Variants in CCDC141 observed in about 807,000 individuals in gnomAD.
CCDC141 encodes coiled-coil domain containing 141, also known as coiled-coil domain-containing protein 141.
A neutral mutation model predicts 181.0 loss-of-function variants in CCDC141; 168 were observed. The ratio of observed to expected loss-of-function variants is 0.93; its 90% CI spans 0.82 to 1.05. CCDC141 has a LOEUF of 1.05. Ranked by LOEUF, CCDC141 falls within the 50% of genes least tolerant of loss-of-function variation. The pLI, the probability that CCDC141 is intolerant of heterozygous loss-of-function variation, is 0.00. For synonymous variants in CCDC141, 666 were observed against 642.3 expected, an observed-to-expected ratio of 1.04 and a Z score of -0.56; for missense variants, 1,902 against 1,788.5, an observed-to-expected ratio of 1.06 and a Z score of -1.14.
chr2:179,043,384 G>A (rs1342248511), intron 2 of CCDC141, among the ~76,000 whole-genome samples: 1 of 151,974 alleles, frequency 6.6e-6, no homozygotes, highest in Admixed American at 6.6e-5. Flanking sequence ...CCAAAACCTG[G>A]CAGAGATACA....
chr2:178,942,640 C>T (rs187066042), intron 6 of CCDC141, among the ~76,000 whole-genome samples: 1 of 151,952 alleles, frequency 6.6e-6, no homozygotes, highest in Non-Finnish European at 1.5e-5. Flanking sequence ...AAGAGTGAAC[C>T]CTAATATAAG....
At chr2:178,983,862 G>A (rs1201793411) in intron 2 of CCDC141, among the ~76,000 whole-genome samples, 2 of 150,918 alleles carry the variant, frequency 1.3e-5, no homozygotes, top group African/African-American at 2.4e-5. Flanking sequence ...AAGTGATGGG[G>A]AGAATGGAAC....
chr2:179,034,107 T>C lies in CCDC141; in HGVS notation c.225+13177A>G, dbSNP rs2043073188. Among the ~76,000 whole-genome samples the C allele has an allele frequency of 3.9e-5, 6 of 152,262 alleles. No individual in the cohort carries two copies. In the South Asian group the frequency reaches 8.3e-4, roughly 21 times the overall value. ...TGGAATCAACCTAAATGCCCATCAGTGGTACACTGAATAAAGAAAATGTGG... is the reference window on the plus strand; with the variant it reads ...TGGAATCAACCTAAATGCCCATCAGCGGTACACTGAATAAAGAAAATGTGG... On this transcript the variant is annotated intron_variant, in intron 2 of 23. Coordinates refer to ENST00000443758, the MANE Select transcript of CCDC141 (RefSeq NM_173648.4).
chr2:178,982,091 C>A (rs1176949993), intron 2 of CCDC141, among the ~76,000 whole-genome samples: 1 of 151,826 alleles, frequency 6.6e-6, no homozygotes, highest in Non-Finnish European at 1.5e-5. Context: ...AAAACTCACA[C>A]AAGAAAAAAT....
chr2:179,008,293 C>T (rs1286180319), intron 2 of CCDC141, among the ~76,000 whole-genome samples: 1 of 152,166 alleles, frequency 6.6e-6, no homozygotes, highest in African/African-American at 2.4e-5. Context: ...CTTGAGGAGC[C>T]TCCACCATGT....
chr2:178,916,276 C>T (rs897904932), intron 7 of CCDC141, among the ~76,000 whole-genome samples: 6 of 151,890 alleles, frequency 4.0e-5, no homozygotes, highest in African/African-American at 1.5e-4. Flanking sequence ...GAATTTTATT[C>T]TAGAAAAAAC....
intron 2 of CCDC141, among the ~76,000 whole-genome samples, chr2:178,988,500 T>C (rs1691870107): frequency 6.6e-6 from 1 of 151,714 alleles, no homozygotes; most frequent in African/African-American, 2.4e-5. Context: ...AAAAAAGAAA[T>C]TGAAGAAGAC....
rs1017786307 is a variant in CCDC141 at position 178,978,636 on chromosome 2, C to A, written c.265G>T (p.Asp89Tyr). The change falls in exon 3 of 24, where the codon GAC (aspartate) becomes TAC (tyrosine). Residue 89 changes from aspartate (D) to tyrosine (Y), a missense_variant. By Grantham distance (160) the Asp-to-Tyr change is radical. Coordinates refer to ENST00000443758, the MANE Select transcript of CCDC141 (RefSeq NM_173648.4). ...TCCTTGTTCTCTTCAGCTGTCTTGT[C>A]TGCTTCCTGCAAGAGTTCCCATACC... The part of the protein sequence containing the change: ...DRVWELLQEA[D>Y]KTAEENKDQS... 6.5e-7 allele frequency: 1 copy of A among 1,547,012 alleles called. No individual in the cohort carries two copies. The highest frequency in any genetic ancestry group is 1.4e-5 in the African/African-American group (1 of 72,744).
At chr2:179,012,448 C>A (rs2042296806) in intron 2 of CCDC141, among the ~76,000 whole-genome samples, 1 of 152,034 alleles carries the variant, frequency 6.6e-6, no homozygotes, top group Non-Finnish European at 1.5e-5. Flanking sequence ...AACAGACTAA[C>A]AACAAGCAGT....
chr2:178,859,312 A>T (rs1480660735), intron 17 of CCDC141, among the ~76,000 whole-genome samples: 2 of 152,212 alleles, frequency 1.3e-5, no homozygotes, highest in African/African-American at 4.8e-5. Flanking sequence ...TGCACTTTCC[A>T]ATATGAAAAC....
At chr2:178,866,601 A>G (rs555952309) in intron 16 of CCDC141, among the ~76,000 whole-genome samples, 1 of 152,344 alleles carries the variant, frequency 6.6e-6, no homozygotes, top group East Asian at 1.9e-4. Context: ...ATGGGCCATT[A>G]TGATTTTATT....
intron 20 of CCDC141, among the ~76,000 whole-genome samples, chr2:178,850,549 G>A (rs1388178272): frequency 2.0e-5 from 3 of 151,512 alleles, no homozygotes; most frequent in South Asian, 2.1e-4. Context: ...CCAAATGTAT[G>A]TCACTCTAGT....
Position 178,981,650 on chromosome 2 carries a change from A to ATATATG in CCDC141, c.226-2976_226-2975insCATATA, listed in dbSNP as rs1553495350. On this transcript the variant is annotated intron_variant, in intron 2 of 23. Transcript: ENST00000443758. ...TGTGTGTGTGTGTATATATATATAT[A>ATATATG]TATATATACATACATATATACATAT... Among the ~76,000 whole-genome samples the ATATATG allele has an allele frequency of 8.5e-3, 1,078 of 127,234 alleles. 23 individuals are homozygous for ATATATG. The highest frequency in any genetic ancestry group is 0.022 in the African/African-American group (755 of 34,836). The allele number at this position is 127,234 out of a possible 152,430, so 83.5% of individuals were successfully genotyped here. A position where few individuals can be genotyped will look rare whatever the true frequency, so the allele number is the denominator to read the frequency against.
intron 5 of CCDC141, among the ~76,000 whole-genome samples, chr2:178,949,752 T>C (rs1040029478): frequency 3.3e-5 from 5 of 152,076 alleles, no homozygotes; most frequent in African/African-American, 1.2e-4. Flanking sequence ...CTGTGGGCAG[T>C]GGTGACAGCA....
intron 2 of CCDC141, among the ~76,000 whole-genome samples, chr2:178,993,021 C>T (rs1692130677): frequency 6.6e-6 from 1 of 152,140 alleles, no homozygotes; most frequent in Admixed American, 6.5e-5. Context: ...AACCTCTTTC[C>T]TTTATAAATT....
intron 11 of CCDC141, among the ~76,000 whole-genome samples, chr2:178,880,933 A>G (rs1056449562): frequency 6.6e-6 from 1 of 152,190 alleles, no homozygotes; most frequent in African/African-American, 2.4e-5. Flanking sequence ...GAGTTGGAGG[A>G]GTCTACAGGA....
intron 23 of CCDC141, among the ~76,000 whole-genome samples, chr2:178,835,416 TA>T (rs1297234587): frequency 6.6e-6 from 1 of 152,246 alleles, no homozygotes; most frequent in Non-Finnish European, 1.5e-5. Flanking sequence ...CATGGTTTTA[TA>T]AAGAAATAAT....
chr2:178,982,152 T>C (rs1691445442), intron 2 of CCDC141, among the ~76,000 whole-genome samples: 1 of 152,140 alleles, frequency 6.6e-6, no homozygotes, highest in Non-Finnish European at 1.5e-5. Flanking sequence ...CAATAATTAA[T>C]AACCTTCCAA....
intron 2 of CCDC141, among the ~76,000 whole-genome samples, chr2:179,030,391 G>C (rs1442039147): frequency 6.6e-6 from 1 of 151,968 alleles, no homozygotes; most frequent in Non-Finnish European, 1.5e-5. Context: ...TTTAGAATCT[G>C]AATTGCATTT....
Sources: gnomAD v4.1 joint callset for allele counts (sites outside exome capture counted in the v4.1 genomes callset) on GRCh38, gnomAD v4.1.1 for gene constraint, MANE v1.5 for transcripts, NCBI Gene and HGNC (gene_info 2026-07-23, HGNC 2026-07-21) for gene names.